RAB30: variants seen among roughly 807,000 people sequenced by gnomAD.
RAB30 encodes the protein RAB30, member RAS oncogene family, also known as ras-related protein Rab-30.
Under a neutral mutation model 25.1 loss-of-function variants are expected in RAB30, and 9 were observed. The ratio of observed to expected loss-of-function variants is 0.36; its 90% CI spans 0.22 to 0.63. The LOEUF (loss-of-function observed/expected upper bound fraction) is 0.63, where lower values mean the gene tolerates loss of function less well. RAB30 is among the 20% of genes least tolerant of loss of function. The pLI is 0.69. For missense variants in RAB30, 140 were observed against 243.5 expected (o/e 0.58, Z 2.83); for synonymous variants, 77 against 86.4 (o/e 0.89, Z 0.60).
intron 1 of RAB30, chr11:83,041,486 A>T: frequency 4.5e-6 from 1 of 221,980 alleles, no homozygotes; most frequent in Non-Finnish European, 9.3e-6. Flanking sequence ...GGTCCTTTAG[A>T]GCAACCCATA....
At chr11:83,027,338 A>G (rs1461080533) in intron 1 of RAB30, among the ~76,000 whole-genome samples, 1 of 152,196 alleles carries the variant, frequency 6.6e-6, no homozygotes, top group Non-Finnish European at 1.5e-5. Context: ...GGGGAAACAT[A>G]TCACAGATAA....
intron 1 of RAB30, among the ~76,000 whole-genome samples, chr11:83,038,575 C>T (rs918070046): frequency 1.3e-5 from 2 of 152,100 alleles, no homozygotes; most frequent in Non-Finnish European, 2.9e-5. Context: ...AATCCCAGCA[C>T]TTTGGGAGGC....
At chr11:83,035,287 T>G (rs1857963475) in intron 1 of RAB30, 1 of 152,148 alleles carries the variant, frequency 6.6e-6, no homozygotes, top group Non-Finnish European at 1.5e-5. Flanking sequence ...GCAGCAAGAT[T>G]TCTGCTCCCC....
At chr11:83,028,051 C>T (rs944951154) in intron 1 of RAB30, among the ~76,000 whole-genome samples, 4 of 151,938 alleles carry the variant, frequency 2.6e-5, no homozygotes, top group East Asian at 3.8e-4. Flanking sequence ...AGATACAGAC[C>T]ATGGCAAACA....
intron 1 of RAB30, among the ~76,000 whole-genome samples, chr11:83,029,644 C>A (rs1276422572): frequency 6.6e-6 from 1 of 152,096 alleles, no homozygotes; most frequent in Non-Finnish European, 1.5e-5. Flanking sequence ...CTATATTATT[C>A]ATCTTCTTAC....
intron 4 of RAB30, 119 bp from the exon 5 acceptor site, chr11:82,982,534 CAAAT>C: frequency 9.5e-7 from 1 of 1,053,120 alleles, no homozygotes. Flanking sequence ...TAAAACAAAA[CAAAT>C]GTGACTGTGA....
At chr11:83,016,209 T>C (rs934357555) in intron 1 of RAB30, among the ~76,000 whole-genome samples, 1 of 152,082 alleles carries the variant, frequency 6.6e-6, no homozygotes, top group Non-Finnish European at 1.5e-5. Context: ...AGGCCACTGG[T>C]TGACAGAGAC....
chr11:82,992,549 G>C lies in RAB30; in HGVS notation c.177+1490C>G, dbSNP rs189203858. Among the ~76,000 whole-genome samples, 8 of 152,234 alleles carry C rather than the reference G, an allele frequency of 5.3e-5. No individual in the cohort carries two copies. In the East Asian group the frequency reaches 1.5e-3, roughly 29 times the overall value. On this transcript the variant is annotated intron_variant, in intron 3 of 4. Coordinates refer to ENST00000527633, the MANE Select transcript of RAB30 (RefSeq NM_001286060.2). ...TCCCAAGGCACTCAAAGGAAGGAGA[G>C]CATGTACGTATGGGAGAAGGATGCA...
chr11:83,024,603 A>G (rs1204579827), intron 1 of RAB30, among the ~76,000 whole-genome samples: 1 of 152,226 alleles, frequency 6.6e-6, no homozygotes, highest in Non-Finnish European at 1.5e-5. Context: ...AATTCAAAGA[A>G]GGAAAACATT....
Position 82,977,801 on chromosome 11 carries a change from T to C in RAB30, c.*4364A>G, listed in dbSNP as rs1039223832. The C allele has an allele frequency of 1.3e-5, 2 of 152,184 alleles. No homozygotes were observed. The highest frequency in any genetic ancestry group is 6.5e-5 in the Admixed American group (1 of 15,280). The allele number at this position is 152,184 out of a possible 1,614,324, so 9.4% of individuals were successfully genotyped here. A position where few individuals can be genotyped will look rare whatever the true frequency, so the allele number is the denominator to read the frequency against. On this transcript the variant is annotated 3_prime_UTR_variant, in exon 5 of 5. Coordinates refer to ENST00000527633, the MANE Select transcript of RAB30 (RefSeq NM_001286060.2). ...AAAGTATGGCTCCTGGAAATGATAA[T>C]AACATTCCAACATCAAGGGACTGAG...
intron 1 of RAB30, among the ~76,000 whole-genome samples, chr11:83,059,680 T>C (rs1263346201): frequency 6.6e-6 from 1 of 152,214 alleles, no homozygotes; most frequent in Admixed American, 6.5e-5. Flanking sequence ...GAAAGTTACC[T>C]GTAGTTTCTG....
chr11:83,031,307 T>A (rs1857851661), intron 1 of RAB30, among the ~76,000 whole-genome samples: 1 of 152,250 alleles, frequency 6.6e-6, no homozygotes, highest in South Asian at 2.1e-4. Flanking sequence ...CACTTTATTA[T>A]TTTTTTCATG....
In RAB30 at chr11:82,973,183, T is replaced by G. The variant is rs1299266243; in HGVS notation, c.*8982A>C. Reference sequence around the variant, plus strand: ...ATATACAAGTACATGGGAAAGCAATTTCCATTTAGTTTTTTTAAAAAATTG... The same window carrying G: ...ATATACAAGTACATGGGAAAGCAATGTCCATTTAGTTTTTTTAAAAAATTG... On this transcript the variant is annotated 3_prime_UTR_variant, in exon 5 of 5. Coordinates refer to ENST00000527633, the MANE Select transcript of RAB30 (RefSeq NM_001286060.2). The G allele has an allele frequency of 6.6e-6, 1 of 152,220 alleles. No individual in the cohort carries two copies. Among genetic ancestry groups the G allele is most frequent in the Non-Finnish European group, 1.5e-5 (1 of 68,042 alleles). The allele number at this position is 152,220 out of a possible 1,614,324, so 9.4% of individuals were successfully genotyped here.
chr11:83,023,119 ATAGT>A (rs1857620198), intron 1 of RAB30, among the ~76,000 whole-genome samples: 2 of 152,226 alleles, frequency 1.3e-5, no homozygotes, highest in South Asian at 4.1e-4. Context: ...AATTTTTCTA[ATAGT>A]TGGGGGAAAA....
At chr11:83,012,387 G>A (rs1277270336) in intron 1 of RAB30, among the ~76,000 whole-genome samples, 2 of 152,158 alleles carry the variant, frequency 1.3e-5, no homozygotes, top group Non-Finnish European at 2.9e-5. Flanking sequence ...CCACAAAGTT[G>A]TCTGTAAGAA....
intron 1 of RAB30, among the ~76,000 whole-genome samples, chr11:83,067,599 C>T (rs1243463402): frequency 6.6e-6 from 1 of 152,188 alleles, no homozygotes; most frequent in Non-Finnish European, 1.5e-5. Flanking sequence ...AAACGTCATC[C>T]CCAGTTGCTC....
intron 1 of RAB30, among the ~76,000 whole-genome samples, chr11:83,026,458 C>G (rs960400267): frequency 2.6e-5 from 4 of 151,916 alleles, no homozygotes; most frequent in Non-Finnish European, 5.9e-5. Flanking sequence ...GTTAAGAGTA[C>G]GGCACCTCTG....
intron 1 of RAB30, among the ~76,000 whole-genome samples, chr11:83,047,247 A>C (rs1008975514): frequency 1.3e-5 from 2 of 152,196 alleles, no homozygotes; most frequent in African/African-American, 2.4e-5. Context: ...TGGCACCTGG[A>C]AAGGCCTGGA....
At chr11:82,982,924 A>G (rs914366813) in intron 4 of RAB30, among the ~76,000 whole-genome samples, 2 of 152,192 alleles carry the variant, frequency 1.3e-5, no homozygotes, top group African/African-American at 2.4e-5. Flanking sequence ...AGACAACCCA[A>G]ATGTCCATCG....
Sources: gnomAD v4.1 joint callset for allele counts (sites outside exome capture counted in the v4.1 genomes callset) on GRCh38, gnomAD v4.1.1 for gene constraint, MANE v1.5 for transcripts, NCBI Gene and HGNC (gene_info 2026-07-23, HGNC 2026-07-21) for gene names.